The following RAPGEF5 variants were observed in gnomAD, a reference collection of about 807,000 sequenced individuals.
RAPGEF5 encodes the protein Rap guanine nucleotide exchange factor 5, also known as M-Ras-regulated GEF.
Under a neutral mutation model 125.2 loss-of-function variants are expected in RAPGEF5, and 65 were observed. That is an observed-to-expected ratio of 0.52 (90% CI 0.43 to 0.64). The LOEUF is 0.64. RAPGEF5 is among the 30% of genes least tolerant of loss of function. The probability of loss-of-function intolerance (pLI) is 0.00; values close to 1 mark genes in which losing one functional copy is unlikely to be tolerated. For synonymous variants in RAPGEF5, 391 were observed against 385.9 expected, an observed-to-expected ratio of 1.01 and a Z score of -0.16; for missense variants, 958 against 1,048.1, an observed-to-expected ratio of 0.91 and a Z score of 1.19.
At position 22,336,212 on chromosome 7, in the gene RAPGEF5, C is replaced by T. The variant is rs182721658; in HGVS notation, c.232-18175G>A. 1.3e-3 allele frequency among the ~76,000 whole-genome samples: 205 copies of T among 152,280 alleles called. 1 individual carries two copies. The highest frequency in any genetic ancestry group is 2.7e-3 in the Admixed American group (41 of 15,302). On this transcript the variant is annotated intron_variant, in intron 1 of 25. Transcript: ENST00000665637. The stretch of plus-strand genomic sequence containing the variant: ...AGAGACCAATCTTTCTAAAGAAATG[C>T]TTTTGTCAACTGATGGTGACTGCCA...
intron 11 of RAPGEF5, among the ~76,000 whole-genome samples, chr7:22,169,859 CA>C (rs71026858): frequency 5.4e-4 from 14 of 25,944 alleles, no homozygotes; most frequent in South Asian, 3.6e-3. Flanking sequence ...GACTCTGTGT[CA>C]AAAAAAAAAA....
At chr7:22,166,648 A>G (rs1784176800) in intron 12 of RAPGEF5, among the ~76,000 whole-genome samples, 1 of 152,210 alleles carries the variant, frequency 6.6e-6, no homozygotes, top group Non-Finnish European at 1.5e-5. Flanking sequence ...GATACTTGCC[A>G]GGAACATTAT....
intron 6 of RAPGEF5, among the ~76,000 whole-genome samples, chr7:22,275,637 A>G (rs965386679): frequency 3.3e-5 from 5 of 152,186 alleles, no homozygotes; most frequent in Non-Finnish European, 5.9e-5. Flanking sequence ...GGATTGTTCT[A>G]AAGATTTGTT....
At chr7:22,354,282 G>A (rs1208606157) in intron 1 of RAPGEF5, among the ~76,000 whole-genome samples, 1 of 152,114 alleles carries the variant, frequency 6.6e-6, no homozygotes, top group African/African-American at 2.4e-5. Flanking sequence ...CTCATGTAAT[G>A]CACAAAGCTG....
intron 6 of RAPGEF5, among the ~76,000 whole-genome samples, chr7:22,283,478 G>C (rs1782722522): frequency 6.6e-6 from 1 of 152,138 alleles, no homozygotes; most frequent in Non-Finnish European, 1.5e-5. Context: ...CTATAACACT[G>C]ACAGAAGTAT....
intron 1 of RAPGEF5, among the ~76,000 whole-genome samples, chr7:22,354,892 AT>A (rs1219144306): frequency 1.3e-5 from 2 of 152,222 alleles, no homozygotes; most frequent in Non-Finnish European, 2.9e-5. Flanking sequence ...AGTCTACGGT[AT>A]TTTGTTATGA....
At chr7:22,335,836 C>T (rs1784018375) in intron 1 of RAPGEF5, among the ~76,000 whole-genome samples, 1 of 152,136 alleles carries the variant, frequency 6.6e-6, no homozygotes, top group South Asian at 2.1e-4. Flanking sequence ...ACAGAAACTA[C>T]TTTTCATACA....
At position 22,298,379 on chromosome 7, in the gene RAPGEF5, A is replaced by G. The variant is rs890229574; in HGVS notation, c.681-7138T>C. ...ATTTTAGTAGAGATGGGGTTTCTCC[A>G]TATTGGTCAGGCTGGTCTCAAACTT... On this transcript the variant is annotated intron_variant, in intron 5 of 25. Coordinates refer to ENST00000665637, the MANE Select transcript of RAPGEF5 (RefSeq NM_012294.5). 1.6e-4 allele frequency among the ~76,000 whole-genome samples: 25 copies of G among 152,118 alleles called. No individual in the cohort carries two copies. In the South Asian group the frequency reaches 2.5e-3, roughly 15 times the overall value.
At chr7:22,309,421 GC>G (rs1248371323) in intron 4 of RAPGEF5, among the ~76,000 whole-genome samples, 2 of 152,168 alleles carry the variant, frequency 1.3e-5, no homozygotes, top group African/African-American at 4.8e-5. Context: ...AATCCAGATT[GC>G]TCGGTTTCTA....
At chr7:22,337,604 C>G (rs1299986038) in intron 1 of RAPGEF5, among the ~76,000 whole-genome samples, 1 of 152,178 alleles carries the variant, frequency 6.6e-6, no homozygotes, top group Non-Finnish European at 1.5e-5. Flanking sequence ...TAAATTTCTC[C>G]CAAAGTTAGC....
In RAPGEF5 at chr7:22,216,540, G is replaced by A. The variant is rs531495132; in HGVS notation, c.996+3326C>T. On this transcript the variant is annotated intron_variant, in intron 9 of 25. Coordinates refer to ENST00000665637, the MANE Select transcript of RAPGEF5 (RefSeq NM_012294.5). ...CAAAGGTCCCCATCTGATAACACACGTCCCTTGCTCTGTTGGCACAGTCAC... is the reference window on the plus strand; with the variant it reads ...CAAAGGTCCCCATCTGATAACACACATCCCTTGCTCTGTTGGCACAGTCAC... 2.1e-4 allele frequency among the ~76,000 whole-genome samples: 32 copies of A among 152,202 alleles called. No individual in the cohort carries two copies. In the Middle Eastern group the frequency reaches 0.014, roughly 65 times the overall value.
chr7:22,309,998 A>C lies in RAPGEF5; in HGVS notation c.482T>G (p.Leu161Arg). Residue 161 changes from leucine (L) to arginine (R), a missense_variant, in exon 4 of 26, where the codon CTC becomes CGC. By Grantham distance (102) the Leu-to-Arg change is moderately radical. Coordinates refer to ENST00000665637, the MANE Select transcript of RAPGEF5 (RefSeq NM_012294.5). Reference protein sequence around the residue: ...CRSMAIGVWQLLLDMGIMLSV... With the variant: ...CRSMAIGVWQRLLDMGIMLSV... ...TAACATAATTCCCATGTCCAGTAGG[A>C]GTTGCCAGACTCCTATGGCCATAGA... 1 of 1,593,080 alleles carries C rather than the reference A, an allele frequency of 6.3e-7. No individual in the cohort carries two copies. Among genetic ancestry groups the C allele is most frequent in the Non-Finnish European group, 8.5e-7 (1 of 1,173,230 alleles).
intron 1 of RAPGEF5, among the ~76,000 whole-genome samples, chr7:22,327,546 A>T (rs1008526835): frequency 6.6e-6 from 1 of 152,202 alleles, no homozygotes; most frequent in Admixed American, 6.5e-5. Context: ...TCCTCTGTGC[A>T]CTGCATCCTC....
Position 22,150,400 on chromosome 7 carries a change from T to A in RAPGEF5, c.1884+7A>T. ...TTTGTTTCAAATACAAGGCTGAAGGTCCTTACCAAAGTGTCCGCCAGGTCT... is the reference window on the plus strand; with the variant it reads ...TTTGTTTCAAATACAAGGCTGAAGGACCTTACCAAAGTGTCCGCCAGGTCT... On this transcript the variant is annotated splice_region_variant and intron_variant, in intron 18 of 25. Coordinates refer to ENST00000665637, the MANE Select transcript of RAPGEF5 (RefSeq NM_012294.5). 1 of 1,601,940 alleles carries A rather than the reference T, an allele frequency of 6.2e-7. No individual in the cohort carries two copies. The highest frequency in any genetic ancestry group is 8.5e-7 in the Non-Finnish European group (1 of 1,175,798).
At chr7:22,149,230 G>C (rs1372984495) in intron 18 of RAPGEF5, among the ~76,000 whole-genome samples, 2 of 152,224 alleles carry the variant, frequency 1.3e-5, no homozygotes, top group Non-Finnish European at 2.9e-5. Flanking sequence ...TATTATGATA[G>C]CTTAATATCC....
intron 9 of RAPGEF5, among the ~76,000 whole-genome samples, chr7:22,195,913 C>T (rs1296866059): frequency 6.6e-6 from 1 of 152,186 alleles, no homozygotes; most frequent in African/African-American, 2.4e-5. Flanking sequence ...GTACGTTTTA[C>T]ATTCTATGTG....
rs1351370760 is a variant in RAPGEF5, at chr7:22,149,424, C to A, written c.1884+983G>T. Reference sequence around the variant, plus strand: ...AGAGATGGGGACTCTGAGTTCCAGACACAATCGCAATCTGCTAGAGCCCAC... The same window carrying A: ...AGAGATGGGGACTCTGAGTTCCAGAAACAATCGCAATCTGCTAGAGCCCAC... On this transcript the variant is annotated intron_variant, in intron 18 of 25. Coordinates refer to ENST00000665637, the MANE Select transcript of RAPGEF5 (RefSeq NM_012294.5). Among the ~76,000 whole-genome samples the A allele has an allele frequency of 2.0e-5, 3 of 152,338 alleles. No individual in the cohort carries two copies. The East Asian group carries it at 5.8e-4, about 29-fold the overall frequency.
chr7:22,305,848 T>A (rs1185866077), intron 5 of RAPGEF5, among the ~76,000 whole-genome samples: 1 of 152,212 alleles, frequency 6.6e-6, no homozygotes, highest in African/African-American at 2.4e-5. Flanking sequence ...CATAATGCCC[T>A]CCAGTTCCAT....
chr7:22,198,347 C>T (rs1785201005), intron 9 of RAPGEF5, among the ~76,000 whole-genome samples: 1 of 152,146 alleles, frequency 6.6e-6, no homozygotes, highest in African/African-American at 2.4e-5. Flanking sequence ...GGCAAATAGA[C>T]TGGGCTAACC....
Sources: allele counts gnomAD v4.1 joint callset (sites outside exome capture counted in the v4.1 genomes callset), GRCh38; gene constraint gnomAD v4.1.1; transcripts MANE v1.5; gene names NCBI Gene and HGNC (gene_info 2026-07-23, HGNC 2026-07-21).